Variants in AGMO observed in about 807,000 individuals in gnomAD.
AGMO encodes alkylglycerol monooxygenase.
AGMO carries 75 observed loss-of-function variants against 60.2 expected under a neutral mutation model. The observed-to-expected ratio is 1.25, with a 90% CI of 1.03 to 1.51. AGMO has a LOEUF of 1.51. AGMO is among the 40% of genes most tolerant of loss of function. The pLI, the probability that AGMO is intolerant of heterozygous loss-of-function variation, is 0.00. For missense variants in AGMO, 763 were observed against 525.5 expected (o/e 1.45, Z -4.42); for synonymous variants, 261 against 177.1 (o/e 1.47, Z -3.76).
chr7:15,420,982 A>G (rs1780906756), intron 4 of AGMO, among the ~76,000 whole-genome samples: 1 of 152,206 alleles, frequency 6.6e-6, no homozygotes, highest in Non-Finnish European at 1.5e-5. Flanking sequence ...AATGAATACA[A>G]GCCTGAAGGC....
intron 8 of AGMO, among the ~76,000 whole-genome samples, chr7:15,388,660 T>G (rs1487884402): frequency 1.3e-5 from 2 of 152,004 alleles, no homozygotes; most frequent in Admixed American, 1.3e-4. Flanking sequence ...TTACGCCTAA[T>G]AATAAGGAAA....
downstream of AGMO, among the ~76,000 whole-genome samples, chr7:15,199,564 C>A (rs912077536): frequency 6.6e-6 from 1 of 152,052 alleles, no homozygotes; most frequent in South Asian, 2.1e-4. Flanking sequence ...CTTTTCTTTG[C>A]CATTACTGAA....
At chr7:15,269,454 G>T (rs965221664) in intron 12 of AGMO, among the ~76,000 whole-genome samples, 1 of 152,014 alleles carries the variant, frequency 6.6e-6, no homozygotes, top group Admixed American at 6.6e-5. Flanking sequence ...TAGGAATGAG[G>T]ATACCAAACT....
chr7:15,411,026 T>G (rs748185611), intron 5 of AGMO, among the ~76,000 whole-genome samples: 6 of 152,006 alleles, frequency 3.9e-5, no homozygotes, highest in African/African-American at 1.4e-4. Context: ...ATTAGGTCAT[T>G]AGGGTTTTGT....
At chr7:15,350,403 T>C (rs1171671642) in intron 12 of AGMO, among the ~76,000 whole-genome samples, 1 of 152,130 alleles carries the variant, frequency 6.6e-6, no homozygotes, top group Non-Finnish European at 1.5e-5. Context: ...GTCCTTGGAG[T>C]ATGTAAGCAT....
At chr7:15,412,035 C>T (rs1476668923) in intron 5 of AGMO, among the ~76,000 whole-genome samples, 2 of 152,146 alleles carry the variant, frequency 1.3e-5, no homozygotes, top group Admixed American at 6.6e-5. Flanking sequence ...CCTGCTACCA[C>T]TCTATTGCGT....
intron 12 of AGMO, among the ~76,000 whole-genome samples, chr7:15,332,644 T>G (rs1225316524): frequency 6.6e-6 from 1 of 152,122 alleles, no homozygotes; most frequent in Non-Finnish European, 1.5e-5. Context: ...TCACTGTATA[T>G]TCTAAGAATA....
At chr7:15,248,832 G>C (rs1000257982) in intron 12 of AGMO, among the ~76,000 whole-genome samples, 2 of 152,180 alleles carry the variant, frequency 1.3e-5, no homozygotes, top group African/African-American at 4.8e-5. Flanking sequence ...AGCTTAAAGT[G>C]AGGAGGCAAT....
chr7:15,476,767 T>A (rs1050418171), intron 3 of AGMO, among the ~76,000 whole-genome samples: 27 of 152,210 alleles, frequency 1.8e-4, no homozygotes, highest in African/African-American at 6.3e-4. Context: ...GAAACACGGG[T>A]AAAACAAAAT....
intron 12 of AGMO, among the ~76,000 whole-genome samples, chr7:15,206,445 T>C (rs956559546): frequency 2.6e-5 from 4 of 152,136 alleles, no homozygotes; most frequent in Non-Finnish European, 5.9e-5. Flanking sequence ...ATTATCTCTT[T>C]GTGCTTATTT....
At position 15,365,507 on chromosome 7, in the gene AGMO, G is replaced by T. The variant is rs778907577; in HGVS notation, c.1263+7C>A. Reference sequence around the variant, plus strand: ...CCATCCTGTGGCTACCTAAACAAATGTCTTACCTCAAAAGCAGATGACAAT... The same window carrying T: ...CCATCCTGTGGCTACCTAAACAAATTTCTTACCTCAAAAGCAGATGACAAT... On this transcript the variant is annotated splice_region_variant and intron_variant, in intron 12 of 12. Coordinates refer to ENST00000342526, the MANE Select transcript of AGMO (RefSeq NM_001004320.2). The T allele has an allele frequency of 6.3e-7, 1 of 1,598,560 alleles. No individual in the cohort carries two copies. Among genetic ancestry groups the T allele is most frequent in the South Asian group, 1.1e-5 (1 of 90,490 alleles).
At chr7:15,134,875 G>A in the AGMO span, among the ~76,000 whole-genome samples, 1 of 151,886 alleles carries the variant, frequency 6.6e-6, no homozygotes, top group African/African-American at 2.4e-5. Context: ...TTTAACTAGG[G>A]AATTAAATCT....
chr7:15,449,247 T>G (rs2128504911), intron 3 of AGMO, among the ~76,000 whole-genome samples: 1 of 152,280 alleles, frequency 6.6e-6, no homozygotes, highest in South Asian at 2.1e-4. Context: ...AAGTTAATCC[T>G]CAGAAAGGGA....
At chr7:15,279,559 T>A (rs1457380890) in intron 12 of AGMO, among the ~76,000 whole-genome samples, 1 of 152,168 alleles carries the variant, frequency 6.6e-6, no homozygotes, top group African/African-American at 2.4e-5. Flanking sequence ...GAGGCAATGT[T>A]AACATGCCCC....
chr7:15,442,609 C>T (rs548341611), intron 3 of AGMO, among the ~76,000 whole-genome samples: 6 of 152,078 alleles, frequency 3.9e-5, no homozygotes, highest in South Asian at 4.1e-4. Flanking sequence ...GTTTTTTGAT[C>T]TTATAGTGAT....
chr7:15,210,239 G>A (rs4551238), intron 12 of AGMO, among the ~76,000 whole-genome samples: 101,405 of 151,886 alleles, frequency 0.67, 34,893 homozygotes, highest in African/African-American at 0.85. Context: ...CAGGCAAAAA[G>A]CAATCAGATA....
intron 12 of AGMO, among the ~76,000 whole-genome samples, chr7:15,233,973 G>A (rs1181545253): frequency 2.6e-5 from 4 of 152,126 alleles, no homozygotes; most frequent in Non-Finnish European, 2.9e-5. Context: ...CTTGAACCTC[G>A]GAGGTGGAGG....
chr7:15,240,514 T>C (rs1232256595), intron 12 of AGMO, among the ~76,000 whole-genome samples: 1 of 152,256 alleles, frequency 6.6e-6, no homozygotes, highest in Non-Finnish European at 1.5e-5. Context: ...TTCACTTAGG[T>C]GCAGAGATAA....
chr7:15,380,735 G>C (rs891992316), intron 10 of AGMO, among the ~76,000 whole-genome samples: 1 of 152,098 alleles, frequency 6.6e-6, no homozygotes, highest in African/African-American at 2.4e-5. Context: ...ACAATCCTAA[G>C]TAAAAAGAAC....
Sources: gnomAD v4.1 joint callset for allele counts (sites outside exome capture counted in the v4.1 genomes callset) on GRCh38, gnomAD v4.1.1 for gene constraint, MANE v1.5 for transcripts, NCBI Gene and HGNC (gene_info 2026-07-23, HGNC 2026-07-21) for gene names.